The following MACROD2 variants were observed in gnomAD, a reference collection of about 807,000 sequenced individuals.
MACROD2 encodes the protein mono-ADP ribosylhydrolase 2.
MACROD2 carries 36 observed loss-of-function variants against 70.4 expected under a neutral mutation model. The observed-to-expected ratio is 0.51, with a 90% CI of 0.39 to 0.68. The LOEUF (loss-of-function observed/expected upper bound fraction) is 0.68. Among genes scored for constraint, MACROD2 ranks in the 30% least tolerant of loss-of-function variants. The pLI is 0.00. For missense variants in MACROD2, 496 were observed against 538.4 expected (o/e 0.92, Z 0.78); for synonymous variants, 172 against 178.8 (o/e 0.96, Z 0.30).
At chr20:14,468,766 T>C (rs1463816331) in intron 3 of MACROD2, among the ~76,000 whole-genome samples, 5 of 152,076 alleles carry the variant, frequency 3.3e-5, no homozygotes, top group African/African-American at 1.2e-4. Context: ...CGCCTTGGCC[T>C]CCCAAAGTGC....
At chr20:14,945,974 G>T (rs374354280) in intron 5 of MACROD2, among the ~76,000 whole-genome samples, 11 of 152,108 alleles carry the variant, frequency 7.2e-5, no homozygotes, top group Admixed American at 5.2e-4. Context: ...TTGGGAGGCC[G>T]AGGTGGGTGG....
chr20:14,204,847 C>T (rs1483399050), intron 3 of MACROD2, among the ~76,000 whole-genome samples: 1 of 152,032 alleles, frequency 6.6e-6, no homozygotes, highest in Non-Finnish European at 1.5e-5. Context: ...TAGTCAGCCT[C>T]TTGAACCCTT....
At chr20:14,230,631 TTATATATA>T (rs71190119) in intron 3 of MACROD2, among the ~76,000 whole-genome samples, 1,872 of 94,242 alleles carry the variant, frequency 0.02, 131 homozygotes, top group Non-Finnish European at 0.024. Flanking sequence ...TCATTCATGT[TTATATATA>T]TATATATATA....
intron 3 of MACROD2, among the ~76,000 whole-genome samples, chr20:14,291,783 T>C (rs6110229): frequency 0.021 from 3,133 of 151,974 alleles, 161 homozygotes; most frequent in African/African-American, 0.073. Context: ...ATAAAGCTTG[T>C]CTCTCATATT....
intron 8 of MACROD2, among the ~76,000 whole-genome samples, chr20:15,599,264 C>CA (rs2048786653): frequency 6.6e-6 from 1 of 151,762 alleles, no homozygotes; most frequent in Non-Finnish European, 1.5e-5. Context: ...TGGTGGAGCA[C>CA]GCCTGTAGTC....
chr20:14,506,931 A>G (rs1176155951), intron 4 of MACROD2, among the ~76,000 whole-genome samples: 2 of 152,200 alleles, frequency 1.3e-5, no homozygotes, highest in Non-Finnish European at 2.9e-5. Context: ...AGCCTGGGTG[A>G]CAGAGCGAGA....
chr20:15,300,687 A>G (rs6043189), intron 6 of MACROD2, among the ~76,000 whole-genome samples: 70,143 of 152,020 alleles, frequency 0.46, 16,824 homozygotes, highest in African/African-American at 0.6. Flanking sequence ...AGAAGAAGCT[A>G]CAGTTTCATC....
chr20:14,871,196 C>T (rs1438402814), intron 5 of MACROD2, among the ~76,000 whole-genome samples: 1 of 152,024 alleles, frequency 6.6e-6, no homozygotes, highest in African/African-American at 2.4e-5. Flanking sequence ...AGAACATCAT[C>T]TCCAAAACAC....
chr20:14,632,701 T>A (rs545642375), intron 4 of MACROD2, among the ~76,000 whole-genome samples: 19 of 152,214 alleles, frequency 1.2e-4, no homozygotes, highest in Admixed American at 4.6e-4. Context: ...TATTTAAAAG[T>A]ATAGTAAACA....
At chr20:14,933,661 T>C (rs1045713301) in intron 5 of MACROD2, among the ~76,000 whole-genome samples, 3 of 152,030 alleles carry the variant, frequency 2.0e-5, no homozygotes, top group Middle Eastern at 3.2e-3. Flanking sequence ...AAAGTTTCTA[T>C]TGGAGTAAGT....
chr20:15,551,352 A>AAG (rs1457651831), intron 8 of MACROD2, among the ~76,000 whole-genome samples: 14 of 150,170 alleles, frequency 9.3e-5, no homozygotes, highest in African/African-American at 3.5e-4. Flanking sequence ...AAAAAAAAAA[A>AAG]CTACATCTCT....
At chr20:15,343,445 G>C (rs1020599921) in intron 6 of MACROD2, among the ~76,000 whole-genome samples, 2 of 152,082 alleles carry the variant, frequency 1.3e-5, no homozygotes, top group African/African-American at 4.8e-5. Flanking sequence ...TCAGAAGAAG[G>C]CTTCATTAGA....
At chr20:15,657,181 T>C (rs1460722730) in intron 8 of MACROD2, among the ~76,000 whole-genome samples, 1 of 152,198 alleles carries the variant, frequency 6.6e-6, no homozygotes, top group Non-Finnish European at 1.5e-5. Context: ...AATTATCCAA[T>C]GCTGAGTAAA....
chr20:14,114,104 A>G (rs954228063), intron 3 of MACROD2, among the ~76,000 whole-genome samples: 13 of 152,154 alleles, frequency 8.5e-5, no homozygotes, highest in African/African-American at 2.4e-4. Context: ...TCACAAATCT[A>G]TGTCTTCTGA....
chr20:15,628,070 C>A (rs1468046845), intron 8 of MACROD2, among the ~76,000 whole-genome samples: 1 of 152,088 alleles, frequency 6.6e-6, no homozygotes, highest in Non-Finnish European at 1.5e-5. Flanking sequence ...AGTCATTTAA[C>A]TAGGTGGTGG....
At chr20:14,116,896 GTC>G (rs1425145442) in intron 3 of MACROD2, among the ~76,000 whole-genome samples, 1 of 151,858 alleles carries the variant, frequency 6.6e-6, no homozygotes, top group Non-Finnish European at 1.5e-5. Flanking sequence ...GTGAAACCCC[GTC>G]TCTACTAAAA....
In MACROD2 at chr20:15,542,828, A is replaced by T. The variant is rs569325279; in HGVS notation, c.645+42981A>T. Among the ~76,000 whole-genome samples the T allele has an allele frequency of 2.6e-5, 4 of 151,834 alleles. No homozygotes were observed. In the East Asian group the frequency reaches 7.8e-4, roughly 29 times the overall value. ...ATCATTCTTTGGCCATAATAGGCCA[A>T]CTCTATTTGTGGGCCTAGGACTTGA... On this transcript the variant is annotated intron_variant, in intron 8 of 17. Coordinates refer to ENST00000684519, the MANE Select transcript of MACROD2 (RefSeq NM_001351661.2).
chr20:14,162,763 A>T (rs1226166604), intron 3 of MACROD2, among the ~76,000 whole-genome samples: 1 of 151,850 alleles, frequency 6.6e-6, no homozygotes, highest in East Asian at 1.9e-4. Flanking sequence ...AGGAAAGATG[A>T]GTTACTTATA....
intron 3 of MACROD2, among the ~76,000 whole-genome samples, chr20:14,232,438 G>C (rs1283741291): frequency 6.6e-6 from 1 of 152,154 alleles, no homozygotes; most frequent in Non-Finnish European, 1.5e-5. Context: ...GTTTAGTATA[G>C]CCACCTTCAT....
Sources: allele counts gnomAD v4.1 joint callset (sites outside exome capture counted in the v4.1 genomes callset), GRCh38; gene constraint gnomAD v4.1.1; transcripts MANE v1.5; gene names NCBI Gene and HGNC (gene_info 2026-07-23, HGNC 2026-07-21).